PLPPR4: variants seen among roughly 807,000 people sequenced by gnomAD.
PLPPR4 encodes the protein phospholipid phosphatase-related protein type 4.
Under a neutral mutation model 56.6 loss-of-function variants are expected in PLPPR4, and 24 were observed. The observed-to-expected ratio is 0.42, with a 90% CI of 0.31 to 0.60. The LOEUF is 0.60. PLPPR4 is among the 20% of genes least tolerant of loss of function. PLPPR4 has a pLI of 0.13. For missense variants in PLPPR4, 654 were observed against 885.8 expected (o/e 0.74, Z 3.32); for synonymous variants, 326 against 328.1 (o/e 0.99, Z 0.07).
intron 2 of PLPPR4, among the ~76,000 whole-genome samples, chr1:99,294,793 A>G (rs1306465511): frequency 6.6e-6 from 1 of 152,186 alleles, no homozygotes; most frequent in East Asian, 1.9e-4. Flanking sequence ...TTCTATACAG[A>G]TAAATTCTTA....
intron 3 of PLPPR4, among the ~76,000 whole-genome samples, chr1:99,298,184 A>T (rs1570921806): frequency 1.3e-5 from 2 of 152,076 alleles, no homozygotes; most frequent in Non-Finnish European, 2.9e-5. Flanking sequence ...GTCCTCTCAT[A>T]ATGATTTCTA....
At chr1:99,274,106 C>A (rs756888148) in intron 1 of PLPPR4, among the ~76,000 whole-genome samples, 3 of 151,960 alleles carry the variant, frequency 2.0e-5, no homozygotes, top group Non-Finnish European at 2.9e-5. Context: ...ACATAAGGTG[C>A]ATATACCAGC....
intron 1 of PLPPR4, among the ~76,000 whole-genome samples, chr1:99,275,259 C>G (rs712892): frequency 0.93 from 140,946 of 152,144 alleles, 65,358 homozygotes; most frequent in East Asian, 1. Context: ...AAACTCTTCT[C>G]CTTTAAGACC....
upstream of PLPPR4, chr1:99,264,451 T>G (rs999188979): frequency 4.0e-6 from 6 of 1,490,622 alleles, no homozygotes; most frequent in East Asian, 4.9e-5. Context: ...GGGCGCTGCA[T>G]GCAGCGCGCT....
chr1:99,301,988 A>G (rs1235054856), intron 6 of PLPPR4, 91 bp downstream of exon 6: 2 of 803,946 alleles, frequency 2.5e-6, no homozygotes, highest in African/African-American at 3.5e-5. Flanking sequence ...CTTGCGATAT[A>G]TTTTATATAA....
At chr1:99,291,429 A>G (rs1394920707) in intron 2 of PLPPR4, among the ~76,000 whole-genome samples, 1 of 152,232 alleles carries the variant, frequency 6.6e-6, no homozygotes, top group Non-Finnish European at 1.5e-5. Flanking sequence ...TACTGGGTAT[A>G]TACCCAAAGG....
intron 2 of PLPPR4, among the ~76,000 whole-genome samples, chr1:99,292,484 C>A (rs1659647084): frequency 6.6e-6 from 1 of 152,212 alleles, no homozygotes; most frequent in Non-Finnish European, 1.5e-5. Flanking sequence ...AGTGCCAACT[C>A]CTTCCAGAAA....
At chr1:99,284,551 G>A (rs535948316) in intron 1 of PLPPR4, among the ~76,000 whole-genome samples, 130 of 152,024 alleles carry the variant, frequency 8.6e-4, no homozygotes, top group Non-Finnish European at 1.5e-3. Context: ...AAAGTGCTGG[G>A]ATTACAGGTG....
chr1:99,263,959 T>A (rs1658825031), upstream of PLPPR4: 1 of 154,464 alleles, frequency 6.5e-6, no homozygotes. Context: ...GTAGGAGCTG[T>A]CATTCCTGGG....
chr1:99,266,561 G>A lies in PLPPR4; in HGVS notation c.78+1890G>A, dbSNP rs141692544. Reference sequence around the variant, plus strand: ...CTCACAATTGTTACTTCTTTTCCATGAGTGGAAATAGCCCAGATTCATTAC... The same window carrying A: ...CTCACAATTGTTACTTCTTTTCCATAAGTGGAAATAGCCCAGATTCATTAC... On this transcript the variant is annotated intron_variant, in intron 1 of 6. Coordinates refer to ENST00000370185, the MANE Select transcript of PLPPR4 (RefSeq NM_014839.5). Among the ~76,000 whole-genome samples the A allele has an allele frequency of 1.2e-4, 19 of 152,286 alleles. No individual in the cohort carries two copies. In the East Asian group the frequency reaches 3.5e-3, roughly 28 times the overall value.
intron 3 of PLPPR4, 121 bp from the exon 4 acceptor site, chr1:99,298,914 A>C: frequency 1.3e-6 from 1 of 789,350 alleles, no homozygotes. Context: ...TCTTCTTGAA[A>C]TCAACTTAGA....
chr1:99,272,261 A>G (rs1161791084), intron 1 of PLPPR4, among the ~76,000 whole-genome samples: 1 of 152,040 alleles, frequency 6.6e-6, no homozygotes, highest in Non-Finnish European at 1.5e-5. Context: ...CACCTAAGAA[A>G]ATTTTGCTTT....
chr1:99,302,760 C>A (rs1056818762), intron 6 of PLPPR4, among the ~76,000 whole-genome samples: 1 of 145,514 alleles, frequency 6.9e-6, no homozygotes, highest in Non-Finnish European at 1.5e-5. Context: ...TGAGAACATG[C>A]GGTGTTTGGT....
At chr1:99,305,097 T>G (rs997230880) in intron 6 of PLPPR4, among the ~76,000 whole-genome samples, 2 of 152,172 alleles carry the variant, frequency 1.3e-5, no homozygotes, top group African/African-American at 4.8e-5. Context: ...TGCCCCAATC[T>G]GGCGATGGTT....
At chr1:99,270,153 T>A (rs1659018940) in intron 1 of PLPPR4, among the ~76,000 whole-genome samples, 1 of 151,756 alleles carries the variant, frequency 6.6e-6, no homozygotes, top group African/African-American at 2.4e-5. Context: ...GCCTCCTGAG[T>A]ACGTGGGACT....
At chr1:99,297,084 A>C (rs778494818) in intron 3 of PLPPR4, among the ~76,000 whole-genome samples, 10 of 152,188 alleles carry the variant, frequency 6.6e-5, no homozygotes, top group Non-Finnish European at 1.3e-4. Context: ...TTTGAGAGCT[A>C]ATATGCCATG....
At position 99,273,806 on chromosome 1, in the gene PLPPR4, A is replaced by G. The variant is rs190716765; in HGVS notation, c.78+9135A>G. Among the ~76,000 whole-genome samples the G allele has an allele frequency of 2.4e-3, 360 of 152,246 alleles. 4 individuals carry two copies. Among genetic ancestry groups the G allele is most frequent in the Admixed American group, 0.011 (167 of 15,290 alleles). Reference sequence around the variant, plus strand: ...TAATAAAATAGGACTAATCATATGAACATAAATTTTTCTTTAACTGTCTTT... The same window carrying G: ...TAATAAAATAGGACTAATCATATGAGCATAAATTTTTCTTTAACTGTCTTT... On this transcript the variant is annotated intron_variant, in intron 1 of 6. Transcript: ENST00000370185.
chr1:99,298,656 T>A (rs1248527698), intron 3 of PLPPR4, among the ~76,000 whole-genome samples: 1 of 152,178 alleles, frequency 6.6e-6, no homozygotes, highest in Admixed American at 6.6e-5. Flanking sequence ...GAAATAACCC[T>A]GGCAACTTAA....
At chr1:99,293,883 C>G (rs1388446024) in intron 2 of PLPPR4, among the ~76,000 whole-genome samples, 1 of 152,098 alleles carries the variant, frequency 6.6e-6, no homozygotes, top group Admixed American at 6.6e-5. Context: ...CTCTCAAAAT[C>G]TCCCCTGAAG....
Sources: allele counts gnomAD v4.1 joint callset (sites outside exome capture counted in the v4.1 genomes callset), GRCh38; gene constraint gnomAD v4.1.1; transcripts MANE v1.5; gene names NCBI Gene and HGNC (gene_info 2026-07-23, HGNC 2026-07-21).